Variants in CACNA1I observed in about 807,000 individuals in gnomAD.
The protein encoded by CACNA1I is calcium voltage-gated channel subunit alpha1 I.
In CACNA1I, 74 loss-of-function variants were observed where a neutral mutation model predicts 201.6. The observed-to-expected ratio is 0.37, with a 90% CI of 0.30 to 0.45. The LOEUF (loss-of-function observed/expected upper bound fraction) is 0.45, where lower values mean the gene tolerates loss of function less well. Among genes scored for constraint, CACNA1I ranks in the 20% least tolerant of loss-of-function variants. The probability of loss-of-function intolerance (pLI) is 1.00; values close to 1 mark genes in which losing one functional copy is unlikely to be tolerated. For missense variants in CACNA1I, 2,346 were observed against 3,138.1 expected, an observed-to-expected ratio of 0.75 and a Z score of 6.03; for synonymous variants, 1,431 against 1,345.2, an observed-to-expected ratio of 1.06 and a Z score of -1.40.
intron 4 of CACNA1I, among the ~76,000 whole-genome samples, chr22:39,634,307 G>A (rs773225141): frequency 6.6e-6 from 1 of 152,188 alleles, no homozygotes; most frequent in Non-Finnish European, 1.5e-5. Context: ...AAAAGGTGCT[G>A]CATAAATGCT....
chr22:39,594,658 A>G (rs780074128), intron 1 of CACNA1I, among the ~76,000 whole-genome samples: 5 of 151,560 alleles, frequency 3.3e-5, no homozygotes, highest in African/African-American at 4.9e-5. Context: ...AAACCAGGTC[A>G]CCTCTCCCAC....
At chr22:39,627,915 AG>A (rs1933944377) in intron 4 of CACNA1I, among the ~76,000 whole-genome samples, 1 of 89,020 alleles carries the variant, frequency 1.1e-5, no homozygotes, top group African/African-American at 4.3e-5. Flanking sequence ...CAGTTTCCCC[AG>A]GGCTGCTCCC....
chr22:39,623,099 A>AGGGGCATGGGAC (rs1285813152), intron 4 of CACNA1I, among the ~76,000 whole-genome samples: 1 of 152,166 alleles, frequency 6.6e-6, no homozygotes, highest in Admixed American at 6.5e-5. Context: ...AGGCGGGCTT[A>AGGGGCATGGGAC]GGGGCATGGG....
intron 15 of CACNA1I, among the ~76,000 whole-genome samples, chr22:39,660,903 A>G (rs1352760135): frequency 6.6e-6 from 1 of 152,066 alleles, no homozygotes; most frequent in Non-Finnish European, 1.5e-5. Context: ...ACACATACCT[A>G]AATAAAGCTA....
chr22:39,680,769 T>G (rs1935678945), intron 33 of CACNA1I, among the ~76,000 whole-genome samples, 161 bp from the exon 34 acceptor site: 1 of 151,966 alleles, frequency 6.6e-6, no homozygotes, highest in Non-Finnish European at 1.5e-5. Flanking sequence ...GCTGGGCCCC[T>G]GCACAGGATG....
At chr22:39,612,805 A>G (rs566332037) in intron 3 of CACNA1I, among the ~76,000 whole-genome samples, 2 of 152,180 alleles carry the variant, frequency 1.3e-5, no homozygotes, top group Middle Eastern at 3.4e-3. Flanking sequence ...TAATGTCATT[A>G]CTCCCAAATC....
In CACNA1I at chr22:39,676,215, T is replaced by TAGAGCCGC. The variant is rs1935508498; in HGVS notation, c.4855-1125_4855-1118dup. ...TGTGCAGGGCACAAAGCTGAATTCCTAGAGCCGCGACCACGCCAGATCCTT... is the reference window on the plus strand; with the variant it reads ...TGTGCAGGGCACAAAGCTGAATTCCTAGAGCCGCAGAGCCGCGACCACGCCAGATCCTT... On this transcript the variant is annotated intron_variant, in intron 29 of 36. Coordinates refer to ENST00000402142, the MANE Select transcript of CACNA1I (RefSeq NM_021096.4). This position sits in a 1 kb window ranked among gnomAD's most constrained non-coding sequence, Gnocchi z 4.8. 6.6e-6 allele frequency among the ~76,000 whole-genome samples: 1 copy of TAGAGCCGC among 152,252 alleles called. No individual in the cohort carries two copies. Among genetic ancestry groups the TAGAGCCGC allele is most frequent in the Non-Finnish European group, 1.5e-5 (1 of 68,042 alleles).
intron 1 of CACNA1I, among the ~76,000 whole-genome samples, chr22:39,575,375 A>C (rs1932310888): frequency 6.6e-6 from 1 of 152,198 alleles, no homozygotes; most frequent in Admixed American, 6.5e-5. Context: ...AGAGCAGGAC[A>C]GTGTGACAGT....
chr22:39,642,679 G>A (rs1269517292), intron 6 of CACNA1I, 118 bp from the exon 7 acceptor site: 8 of 675,778 alleles, frequency 1.2e-5, no homozygotes, highest in Non-Finnish European at 1.8e-5. Flanking sequence ...AGACAGACTC[G>A]AGGCAGCATG....
chr22:39,640,151 G>A (rs564689563), intron 5 of CACNA1I, among the ~76,000 whole-genome samples: 2 of 152,348 alleles, frequency 1.3e-5, no homozygotes, highest in South Asian at 4.1e-4. Context: ...CACTTTGGGA[G>A]GCTGAGGTGG....
chr22:39,662,503 G>A, intron 17 of CACNA1I, 68 bp downstream of exon 17: 4 of 1,220,286 alleles, frequency 3.3e-6, no homozygotes, highest in South Asian at 3.3e-5. Context: ...GCGGCCCCAG[G>A]AGGCGGGGCC....
chr22:39,588,689 A>G (rs1354859332), intron 1 of CACNA1I, among the ~76,000 whole-genome samples: 1 of 152,046 alleles, frequency 6.6e-6, no homozygotes, highest in Non-Finnish European at 1.5e-5. Flanking sequence ...CCGGCCTTCA[A>G]GGCATTTTCA....
intron 1 of CACNA1I, among the ~76,000 whole-genome samples, chr22:39,573,733 C>T (rs1420791593): frequency 1.3e-5 from 2 of 152,204 alleles, no homozygotes; most frequent in Admixed American, 6.5e-5. Flanking sequence ...CCACTGTCTC[C>T]TTGGTTTTCA....
In CACNA1I at chr22:39,686,309, A is replaced by C; in HGVS notation, c.6576A>C (p.Ala2192=). ...ADRSKDPPGR[A]PLPMGLGPLA... ...GCAGCAAGGACCCCCCCGGCCGGGCACCGCTGCCCATGGGCCTGGGCCCCT... is the reference window on the plus strand; with the variant it reads ...GCAGCAAGGACCCCCCCGGCCGGGCCCCGCTGCCCATGGGCCTGGGCCCCT... Residue 2192 remains alanine, a synonymous_variant, in exon 37 of 37, where the codon GCA becomes GCC. Coordinates refer to ENST00000402142, the MANE Select transcript of CACNA1I (RefSeq NM_021096.4). 1 of 1,323,160 alleles carries C rather than the reference A, an allele frequency of 7.6e-7. No individual in the cohort carries two copies. Among genetic ancestry groups the C allele is most frequent in the Non-Finnish European group, 9.7e-7 (1 of 1,033,210 alleles). 82.0% of individuals were successfully genotyped at this position (1,323,160 alleles called of 1,614,324 possible). A position where few individuals can be genotyped will look rare whatever the true frequency, so the allele number is the denominator to read the frequency against.
At chr22:39,658,737 G>T (rs955402470) in intron 11 of CACNA1I, among the ~76,000 whole-genome samples, 194 bp from the exon 12 acceptor site, 1 of 152,252 alleles carries the variant, frequency 6.6e-6, no homozygotes, top group Non-Finnish European at 1.5e-5. Flanking sequence ...TGGGGGTGGT[G>T]GTGGTCCATG....
In CACNA1I at chr22:39,686,187, A is replaced by G; in HGVS notation, c.6454A>G (p.Lys2152Glu). Residue 2152 changes from lysine to glutamate, a missense_variant, in exon 37 of 37, where the codon AAG becomes GAG. Lys to Glu is a moderately conservative substitution (Grantham distance 56). Coordinates refer to ENST00000402142, the MANE Select transcript of CACNA1I (RefSeq NM_021096.4). ...PPAPGLTPARKFSSTSSLAAP... is the reference protein window; with the variant it reads ...PPAPGLTPAREFSSTSSLAAP... ...AGCCCCCGGCCTCACGCCCGCCAGG[A>G]AGTTCAGCAGCACCAGCAGCCTGGC... is the stretch of plus-strand genomic sequence containing the variant. 1 of 1,277,638 alleles carries G rather than the reference A, an allele frequency of 7.8e-7. No individual in the cohort carries two copies. The highest frequency in any genetic ancestry group is 9.9e-7 in the Non-Finnish European group (1 of 1,012,074). 79.1% of individuals were successfully genotyped at this position (1,277,638 alleles called of 1,614,324 possible).
chr22:39,587,765 T>C (rs192661358), intron 1 of CACNA1I: 1 of 444,954 alleles, frequency 2.2e-6, no homozygotes. Flanking sequence ...TATTTTATTT[T>C]ATTTGATTTA....
At chr22:39,679,497 G>T in intron 32 of CACNA1I, 52 bp downstream of exon 32, 1 of 1,281,234 alleles carries the variant, frequency 7.8e-7, no homozygotes, top group Non-Finnish European at 1.0e-6. Flanking sequence ...GGCACCGCAG[G>T]GCCAGATGGG....
intron 4 of CACNA1I, among the ~76,000 whole-genome samples, chr22:39,622,184 G>T (rs1601468994): frequency 6.6e-6 from 1 of 152,180 alleles, no homozygotes; most frequent in African/African-American, 2.4e-5. Context: ...CGGACAGAAG[G>T]CGCGCCAAAG....
Sources: allele counts gnomAD v4.1 joint callset (sites outside exome capture counted in the v4.1 genomes callset), GRCh38; gene constraint gnomAD v4.1.1; non-coding constraint Gnocchi (gnomAD v3.1); transcripts MANE v1.5; gene names NCBI Gene and HGNC (gene_info 2026-07-23, HGNC 2026-07-21).